Variants in MCU observed in about 807,000 individuals in gnomAD.
The protein encoded by MCU is mitochondrial calcium uniporter.
MCU carries 12 observed loss-of-function variants against 45.2 expected under a neutral mutation model. The ratio of observed to expected loss-of-function variants is 0.27; its 90% confidence interval spans 0.17 to 0.43. MCU has a LOEUF of 0.43. MCU is among the 20% of genes least tolerant of loss of function. MCU has a pLI of 1.00. For synonymous variants in MCU, 160 were observed against 165.1 expected, an observed-to-expected ratio of 0.97 and a Z score of 0.24; for missense variants, 324 against 436.7, an observed-to-expected ratio of 0.74 and a Z score of 2.30.
At chr10:72,868,035 T>C (rs985824581) in intron 4 of MCU, among the ~76,000 whole-genome samples, 3 of 152,118 alleles carry the variant, frequency 2.0e-5, no homozygotes, top group Non-Finnish European at 4.4e-5. Context: ...AATAATCAAA[T>C]TGATTCTAAA....
At chr10:72,796,846 G>A (rs1844255637) in intron 1 of MCU, among the ~76,000 whole-genome samples, 1 of 151,842 alleles carries the variant, frequency 6.6e-6, no homozygotes, top group South Asian at 2.1e-4. Context: ...TTTCCTCCTT[G>A]ACCAAGAATT....
At chr10:72,815,192 CTTA>C (rs1169607525) in intron 1 of MCU, among the ~76,000 whole-genome samples, 1 of 152,228 alleles carries the variant, frequency 6.6e-6, no homozygotes, top group Non-Finnish European at 1.5e-5. Flanking sequence ...AGCTCTGCCT[CTTA>C]TAGTACAGGA....
chr10:72,861,278 G>A (rs1406385256), intron 4 of MCU, among the ~76,000 whole-genome samples: 2 of 151,856 alleles, frequency 1.3e-5, no homozygotes, highest in Non-Finnish European at 2.9e-5. Context: ...CTCCCTCTCT[G>A]TCCTCCCAGA....
At chr10:72,761,975 A>T (rs1843662929) in intron 1 of MCU, among the ~76,000 whole-genome samples, 1 of 152,132 alleles carries the variant, frequency 6.6e-6, no homozygotes, top group Non-Finnish European at 1.5e-5. Flanking sequence ...ATCTTTTAAG[A>T]ACTATTTTAT....
intron 1 of MCU, among the ~76,000 whole-genome samples, chr10:72,805,541 C>T (rs1291316466): frequency 6.6e-6 from 1 of 152,118 alleles, no homozygotes; most frequent in Non-Finnish European, 1.5e-5. Flanking sequence ...GCCACCTCAC[C>T]CGGCTGCCCT....
chr10:72,776,338 A>T (rs1234336748), intron 1 of MCU, among the ~76,000 whole-genome samples: 1 of 152,202 alleles, frequency 6.6e-6, no homozygotes, highest in African/African-American at 2.4e-5. Context: ...CAGGAAACCA[A>T]ATTCAACAAC....
intron 1 of MCU, among the ~76,000 whole-genome samples, chr10:72,812,241 A>G (rs1844555548): frequency 6.6e-6 from 1 of 151,782 alleles, no homozygotes; most frequent in South Asian, 2.1e-4. Context: ...CCACTGCCCG[A>G]TTCAAGCAAT....
At chr10:72,805,077 G>GTT (rs1316992273) in intron 1 of MCU, among the ~76,000 whole-genome samples, 1 of 141,046 alleles carries the variant, frequency 7.1e-6, no homozygotes, top group Non-Finnish European at 1.6e-5. Context: ...GCCCTAGTTT[G>GTT]TTTCTTTCTT....
chr10:72,830,609 A>G (rs1198952558), intron 1 of MCU, among the ~76,000 whole-genome samples: 3 of 152,362 alleles, frequency 2.0e-5, no homozygotes, highest in East Asian at 1.9e-4. Context: ...AAAAGTTACT[A>G]CATAAACAAA....
chr10:72,804,989 CA>C (rs1222153094), intron 1 of MCU, among the ~76,000 whole-genome samples: 1 of 151,666 alleles, frequency 6.6e-6, no homozygotes, highest in Admixed American at 6.6e-5. Flanking sequence ...AGGCTGCTCT[CA>C]AACTGCTAGA....
chr10:72,694,136 T>TA (rs1842658189), intron 1 of MCU, among the ~76,000 whole-genome samples: 1 of 152,236 alleles, frequency 6.6e-6, no homozygotes, highest in African/African-American at 2.4e-5. Context: ...GCAGGAATGT[T>TA]ATGGGAATGG....
At chr10:72,860,081 AT>A (rs935004271) in intron 3 of MCU, 244 of 201,914 alleles carry the variant, frequency 1.2e-3, no homozygotes, top group South Asian at 2.8e-3. Flanking sequence ...ATGTCAGAAA[AT>A]TTTTTTTTGA....
chr10:72,831,685 G>A (rs954173322), intron 1 of MCU, among the ~76,000 whole-genome samples: 9 of 152,138 alleles, frequency 5.9e-5, no homozygotes, highest in African/African-American at 1.9e-4. Flanking sequence ...AAAAGGATTC[G>A]GAGTACCCAT....
At chr10:72,766,046 T>G (rs1843722198) in intron 1 of MCU, among the ~76,000 whole-genome samples, 1 of 152,048 alleles carries the variant, frequency 6.6e-6, no homozygotes, top group African/African-American at 2.4e-5. Flanking sequence ...TTTAAATTTT[T>G]TGTAGAGATG....
At chr10:72,704,584 G>T (rs1010067106) in intron 1 of MCU, among the ~76,000 whole-genome samples, 2 of 151,502 alleles carry the variant, frequency 1.3e-5, no homozygotes, top group African/African-American at 4.9e-5. Context: ...TGTCACCCAG[G>T]CCGGAGTTCA....
chr10:72,791,178 C>A (rs1399633298), intron 1 of MCU, among the ~76,000 whole-genome samples: 1 of 152,242 alleles, frequency 6.6e-6, no homozygotes, highest in South Asian at 2.1e-4. Context: ...TTGTTCCCAA[C>A]AATTTCAAAT....
At chr10:72,782,584 C>G (rs1167973121) in intron 1 of MCU, among the ~76,000 whole-genome samples, 1 of 152,168 alleles carries the variant, frequency 6.6e-6, no homozygotes, top group South Asian at 2.1e-4. Flanking sequence ...GTTGGCCAAT[C>G]TAGTCTCAAA....
intron 1 of MCU, among the ~76,000 whole-genome samples, chr10:72,786,618 C>T (rs184038026): frequency 3.7e-4 from 57 of 152,076 alleles, no homozygotes; most frequent in Non-Finnish European, 7.4e-4. Flanking sequence ...TGGTGGCAGG[C>T]GCCTGTAATC....
chr10:72,763,062 A>G (rs1270362927), intron 1 of MCU, among the ~76,000 whole-genome samples: 2 of 151,964 alleles, frequency 1.3e-5, no homozygotes, highest in African/African-American at 2.4e-5. Context: ...TGTTCCTTTC[A>G]GGCTGCCATC....
Sources: allele counts gnomAD v4.1 joint callset (sites outside exome capture counted in the v4.1 genomes callset), GRCh38; gene constraint gnomAD v4.1.1; transcripts MANE v1.5; gene names NCBI Gene and HGNC (gene_info 2026-07-23, HGNC 2026-07-21).